RAI1: variants seen among roughly 807,000 people sequenced by gnomAD.
RAI1 encodes retinoic acid-induced protein 1.
In RAI1, 9 loss-of-function variants were observed where a neutral mutation model predicts 123.8. That is an observed-to-expected ratio of 0.07 (90% CI 0.04 to 0.13). The LOEUF is 0.13. Ranked by LOEUF, RAI1 falls within the 10% of genes least tolerant of loss-of-function variation. RAI1 has a pLI of 1.00. For missense variants in RAI1, 2,256 were observed against 2,545.8 expected (o/e 0.89, Z 2.45); for synonymous variants, 1,231 against 1,127.3 (o/e 1.09, Z -1.84).
At chr17:17,697,740 G>T (rs1375229710) in intron 1 of RAI1, among the ~76,000 whole-genome samples, 1 of 152,058 alleles carries the variant, frequency 6.6e-6, no homozygotes, top group East Asian at 1.9e-4. Context: ...TTGTGTGTCT[G>T]TTTGTCACTG....
In RAI1 at chr17:17,803,807, G is replaced by A; in HGVS notation, c.5617G>A (p.Gly1873Arg). ...AGATIGCCHK[G>R]CLHTYHYPCA... is the part of the protein sequence containing the mutation. Reference sequence around the variant, plus strand: ...GGCCACCATTGGGTGCTGCCACAAAGGATGCCTCCACACCTACCACTACCC... The same window carrying A: ...GGCCACCATTGGGTGCTGCCACAAAAGATGCCTCCACACCTACCACTACCC... The change falls in exon 4 of 6, where the codon GGA (glycine) becomes AGA (arginine). Residue 1873 changes from glycine to arginine, a missense_variant. Coordinates refer to ENST00000353383, the MANE Select transcript of RAI1 (RefSeq NM_030665.4). The A allele has an allele frequency of 6.2e-7, 1 of 1,613,582 alleles. No homozygotes were observed. Among genetic ancestry groups the A allele is most frequent in the Non-Finnish European group, 8.5e-7 (1 of 1,180,014 alleles).
intron 2 of RAI1, among the ~76,000 whole-genome samples, chr17:17,776,527 T>C (rs953284318): frequency 6.6e-6 from 1 of 152,110 alleles, no homozygotes; most frequent in African/African-American, 2.4e-5. Flanking sequence ...TGTATCACCA[T>C]GCCCAGTTAA....
Position 17,796,552 on chromosome 17 carries a change from C to A in RAI1, c.3604C>A (p.Arg1202=), listed in dbSNP as rs757283974. ...SPQKEGRVSQ[R]ARVPKPGAGS... ...CCAGAAGGAGGGCAGGGTGAGCCAGCGGGCAAGGGTCCCCAAACCTGGTGC... is the reference window on the plus strand; with the variant it reads ...CCAGAAGGAGGGCAGGGTGAGCCAGAGGGCAAGGGTCCCCAAACCTGGTGC... Residue 1202 remains arginine, a synonymous_variant, in exon 3 of 6, where the codon CGG becomes AGG. Coordinates refer to ENST00000353383, the MANE Select transcript of RAI1 (RefSeq NM_030665.4). The surrounding 1 kb of genome is among the most constrained non-coding windows in gnomAD (Gnocchi z 5.8). 1.2e-6 allele frequency: 2 copies of A among 1,610,910 alleles called. No homozygotes were observed. Among genetic ancestry groups the A allele is most frequent in the African/African-American group, 2.7e-5 (2 of 75,056 alleles).
intron 2 of RAI1, chr17:17,778,637 C>G (rs1272388379): frequency 6.9e-6 from 3 of 432,036 alleles, no homozygotes; most frequent in Non-Finnish European, 1.4e-5. Flanking sequence ...AAACCGGAGC[C>G]CCAGCCCCTA....
At chr17:17,693,502 C>G (rs1240122328) in intron 1 of RAI1, among the ~76,000 whole-genome samples, 2 of 152,234 alleles carry the variant, frequency 1.3e-5, no homozygotes, top group Non-Finnish European at 2.9e-5. Flanking sequence ...TGCGAGGGGG[C>G]TCCAAAGCCA....
In RAI1 at chr17:17,793,472, A is replaced by G; in HGVS notation, c.524A>G (p.Gln175Arg). The change falls in exon 3 of 6, where the codon CAG becomes CGG. Residue 175 changes from glutamine to arginine, a missense_variant. This residue lies in a region of RAI1 where 336 missense variants were observed against 349.8 expected (regional missense o/e 0.96). Coordinates refer to ENST00000353383, the MANE Select transcript of RAI1 (RefSeq NM_030665.4). ...CGGACTCACTCCCTGCACGTCCAGC[A>G]GCCACCGCCGCCCCAGCAGCCCCTG... is the stretch of plus-strand genomic sequence containing the variant. Reference protein sequence around the residue: ...PFRTHSLHVQQPPPPQQPLAY... With the variant: ...PFRTHSLHVQRPPPPQQPLAY... The G allele has an allele frequency of 6.2e-7, 1 of 1,613,396 alleles. No individual in the cohort carries two copies. Among genetic ancestry groups the G allele is most frequent in the Non-Finnish European group, 8.5e-7 (1 of 1,179,692 alleles).
intron 1 of RAI1, among the ~76,000 whole-genome samples, chr17:17,691,107 A>T (rs1488889576): frequency 6.6e-6 from 1 of 152,226 alleles, no homozygotes; most frequent in East Asian, 1.9e-4. Context: ...GTATTCACTC[A>T]TTCAAGGGGG....
chr17:17,797,725 C>A lies in RAI1; in HGVS notation c.4777C>A (p.Pro1593Thr). 1 of 1,613,796 alleles carries A rather than the reference C, an allele frequency of 6.2e-7. No homozygotes were observed. The highest frequency in any genetic ancestry group is 8.5e-7 in the Non-Finnish European group (1 of 1,179,832). ...GCGGCTGAGGTCAGACAGCCGGACC[C>A]CCGCCTTCTCACCCTTCGTGCGGGT... Reference protein sequence around the residue: ...CKRLRSDSRTPAFSPFVRVEK... With the variant: ...CKRLRSDSRTTAFSPFVRVEK... Residue 1593 changes from proline (P) to threonine (T), a missense_variant, in exon 3 of 6, where the codon CCC (proline) becomes ACC (threonine). Transcript: ENST00000353383.
intron 1 of RAI1, among the ~76,000 whole-genome samples, chr17:17,717,752 G>A (rs555907892): frequency 1.2e-4 from 19 of 152,304 alleles, no homozygotes; most frequent in African/African-American, 4.6e-4. Flanking sequence ...CTGGCGCTGA[G>A]GAAGGAAGAT....
At chr17:17,751,180 T>A (rs963127400) in intron 2 of RAI1, among the ~76,000 whole-genome samples, 2 of 152,178 alleles carry the variant, frequency 1.3e-5, no homozygotes, top group African/African-American at 4.8e-5. Flanking sequence ...GGGGTCTGTA[T>A]GGAAGAGTAG....
At chr17:17,757,998 GGGC>G (rs2030516456) in intron 2 of RAI1, among the ~76,000 whole-genome samples, 6 of 152,192 alleles carry the variant, frequency 3.9e-5, no homozygotes, top group Admixed American at 3.9e-4. Flanking sequence ...TCATGCCTCT[GGGC>G]CTCCTACCTC....
At chr17:17,751,007 G>A (rs893886653) in intron 2 of RAI1, among the ~76,000 whole-genome samples, 8 of 152,238 alleles carry the variant, frequency 5.3e-5, no homozygotes, top group African/African-American at 1.7e-4. Flanking sequence ...CACAGAGGAG[G>A]AAGATGGGTA....
At position 17,794,422 on chromosome 17, in the gene RAI1, C is replaced by A; in HGVS notation, c.1474C>A (p.Pro492Thr). 2.5e-6 allele frequency: 4 copies of A among 1,612,962 alleles called. No homozygotes were observed. In the African/African-American group the frequency reaches 5.3e-5, roughly 21 times the overall value. Residue 492 changes from proline (P) to threonine (T), a missense_variant, in exon 3 of 6, where the codon CCC becomes ACC. Pro to Thr is a conservative substitution (Grantham distance 38, BLOSUM62 -1). Coordinates refer to ENST00000353383, the MANE Select transcript of RAI1 (RefSeq NM_030665.4). ...SPEGSGYSAE[P>T]AGTPLSEPPS... ...CGAAGGGAGCGGCTACTCAGCCGAG[C>A]CCGCAGGCACACCGCTGTCAGAGCC...
At chr17:17,803,731 C>T in intron 3 of RAI1, 25 bp from the exon 4 acceptor site, 7 of 1,604,332 alleles carry the variant, frequency 4.4e-6, no homozygotes, top group South Asian at 1.1e-5. Flanking sequence ...TGGAGACTCA[C>T]CTGCCTTTCC....
chr17:17,774,956 G>A (rs1270946581), intron 2 of RAI1, among the ~76,000 whole-genome samples: 1 of 152,210 alleles, frequency 6.6e-6, no homozygotes, highest in Non-Finnish European at 1.5e-5. Context: ...TAGACAGGGA[G>A]CCTCCCTACC....
chr17:17,751,439 C>T (rs2030166595), intron 2 of RAI1, among the ~76,000 whole-genome samples: 1 of 152,216 alleles, frequency 6.6e-6, no homozygotes, highest in Non-Finnish European at 1.5e-5. Flanking sequence ...GAGGGAATGT[C>T]TCCTAAAACT....
At chr17:17,746,151 G>A (rs1189867964) in intron 2 of RAI1, among the ~76,000 whole-genome samples, 3 of 152,168 alleles carry the variant, frequency 2.0e-5, no homozygotes, top group African/African-American at 7.2e-5. Flanking sequence ...TGTGCTTCAG[G>A]ATTCCTTCTC....
intron 2 of RAI1, among the ~76,000 whole-genome samples, chr17:17,754,497 A>G (rs922302973): frequency 5.9e-5 from 9 of 151,970 alleles, no homozygotes; most frequent in African/African-American, 2.2e-4. Context: ...CGGCCTCCCA[A>G]AGTGCTGGGA....
At position 17,711,092 on chromosome 17, in the gene RAI1, G is replaced by A. The variant is rs369588514; in HGVS notation, c.-148-12936G>A. 8.4e-4 allele frequency among the ~76,000 whole-genome samples: 128 copies of A among 152,340 alleles called. 3 individuals are homozygous for A. The South Asian group carries it at 0.025, about 29-fold the overall frequency. On this transcript the variant is annotated intron_variant, in intron 1 of 5. Coordinates refer to ENST00000353383, the MANE Select transcript of RAI1 (RefSeq NM_030665.4). ...TCCTGATGGATGGGAAGGCAGGGCC[G>A]CAGTACCCGGAAAACCTCTCCAGGG...
Sources: allele counts gnomAD v4.1 joint callset (sites outside exome capture counted in the v4.1 genomes callset), GRCh38; gene constraint gnomAD v4.1.1; regional missense constraint gnomAD v4.1.1; non-coding constraint Gnocchi (gnomAD v3.1); transcripts MANE v1.5; gene names NCBI Gene and HGNC (gene_info 2026-07-23, HGNC 2026-07-21).